TLE4: variants seen among roughly 807,000 people sequenced by gnomAD.
TLE4 encodes the protein transducin-like enhancer protein 4.
Under a neutral mutation model 92.8 loss-of-function variants are expected in TLE4, and 8 were observed. The ratio of observed to expected loss-of-function variants is 0.09; its 90% CI spans 0.05 to 0.16. The LOEUF (loss-of-function observed/expected upper bound fraction) is 0.16, where lower values mean the gene tolerates loss of function less well. TLE4 is among the 10% of genes least tolerant of loss of function. TLE4 has a pLI of 1.00. For missense variants in TLE4, 675 were observed against 997.6 expected, an observed-to-expected ratio of 0.68 and a Z score of 4.36; for synonymous variants, 371 against 374.1, an observed-to-expected ratio of 0.99 and a Z score of 0.10.
chr9:79,641,726 C>T (rs901535309), intron 6 of TLE4, among the ~76,000 whole-genome samples: 1 of 152,150 alleles, frequency 6.6e-6, no homozygotes, highest in African/African-American at 2.4e-5. Context: ...TTGCTTACCC[C>T]TTCCACCCTA....
chr9:79,723,664 T>C (rs933953288), intron 19 of TLE4, among the ~76,000 whole-genome samples: 1 of 152,234 alleles, frequency 6.6e-6, no homozygotes, highest in African/African-American at 2.4e-5. Flanking sequence ...CTTCTATATT[T>C]AGGATGTTAT....
chr9:79,610,437 A>G (rs1017343829), intron 4 of TLE4, among the ~76,000 whole-genome samples: 2 of 152,100 alleles, frequency 1.3e-5, no homozygotes, highest in African/African-American at 4.8e-5. Flanking sequence ...CCTGTGGGAC[A>G]AAAGAGGCGA....
chr9:79,593,913 T>TA (rs1348343665), intron 4 of TLE4, among the ~76,000 whole-genome samples: 1 of 152,224 alleles, frequency 6.6e-6, no homozygotes, highest in Admixed American at 6.5e-5. Context: ...AATACGATCC[T>TA]AAATATTTTT....
intron 6 of TLE4, among the ~76,000 whole-genome samples, chr9:79,637,611 C>T (rs1307924263): frequency 1.3e-5 from 2 of 152,166 alleles, no homozygotes; most frequent in Admixed American, 6.5e-5. Context: ...AGTGGTTAGT[C>T]TAAATTGTCT....
At chr9:79,678,323 A>G (rs1394697539) in intron 8 of TLE4, among the ~76,000 whole-genome samples, 1 of 152,142 alleles carries the variant, frequency 6.6e-6, no homozygotes, top group Non-Finnish European at 1.5e-5. Context: ...TGTACATTGT[A>G]TTTGAGTAAA....
intron 8 of TLE4, among the ~76,000 whole-genome samples, chr9:79,701,567 CT>C (rs1310129332): frequency 9.2e-5 from 14 of 152,030 alleles, no homozygotes; most frequent in Admixed American, 9.2e-4. Context: ...CATTTTTCTT[CT>C]TTTTGTAAAA....
At chr9:79,595,778 A>C (rs1031934974) in intron 4 of TLE4, among the ~76,000 whole-genome samples, 1 of 151,928 alleles carries the variant, frequency 6.6e-6, no homozygotes, top group Admixed American at 6.6e-5. Flanking sequence ...TTAATGCAAA[A>C]CTTGTTTAAA....
intron 8 of TLE4, among the ~76,000 whole-genome samples, chr9:79,682,028 GGT>G (rs2064807192): frequency 6.6e-6 from 1 of 152,058 alleles, no homozygotes; most frequent in Admixed American, 6.6e-5. Context: ...GTTAAGATGT[GGT>G]GCCATAAAGA....
chr9:79,708,503 C>A, intron 12 of TLE4, 90 bp from the exon 13 acceptor site: 2 of 1,284,702 alleles, frequency 1.6e-6, no homozygotes, highest in Non-Finnish European at 2.2e-6. Context: ...CTCATTTGAA[C>A]CATAGATTCT....
chr9:79,648,062 A>G (rs527662033), intron 6 of TLE4, among the ~76,000 whole-genome samples: 3 of 152,266 alleles, frequency 2.0e-5, no homozygotes, highest in African/African-American at 7.2e-5. Context: ...GCGGGCAGAG[A>G]GTTCCCTGGA....
At chr9:79,649,300 AC>A (rs2058578737) in intron 6 of TLE4, among the ~76,000 whole-genome samples, 3 of 150,224 alleles carry the variant, frequency 2.0e-5, no homozygotes, top group Admixed American at 6.7e-5. Flanking sequence ...ACACACACAC[AC>A]AACAAGGCAG....
At chr9:79,702,342 A>C (rs2070177558) in intron 8 of TLE4, among the ~76,000 whole-genome samples, 1 of 152,164 alleles carries the variant, frequency 6.6e-6, no homozygotes, top group Admixed American at 6.5e-5. Flanking sequence ...AGTGAGGTGG[A>C]TAGACTGGAG....
chr9:79,578,838 T>A (rs1481452840), intron 4 of TLE4, among the ~76,000 whole-genome samples: 1 of 151,810 alleles, frequency 6.6e-6, no homozygotes, highest in East Asian at 1.9e-4. Flanking sequence ...TGGATTTTTT[T>A]TTTTTTTAAA....
At chr9:79,601,489 G>A (rs759117295) in intron 4 of TLE4, 9 of 454,180 alleles carry the variant, frequency 2.0e-5, no homozygotes, top group East Asian at 6.9e-5. Context: ...TGCTCACTTC[G>A]TGTCTCTGTG....
chr9:79,683,503 A>G (rs1231428802), intron 8 of TLE4, among the ~76,000 whole-genome samples: 2 of 152,210 alleles, frequency 1.3e-5, no homozygotes, highest in South Asian at 2.1e-4. Flanking sequence ...TCCCTTAATC[A>G]ACAATGATCC....
chr9:79,710,628 C>T (rs2136025134), intron 14 of TLE4, among the ~76,000 whole-genome samples: 1 of 152,284 alleles, frequency 6.6e-6, no homozygotes. Context: ...GTATTTTGTC[C>T]TTACTGTCCT....
intron 8 of TLE4, among the ~76,000 whole-genome samples, chr9:79,679,824 T>C (rs1246855727): frequency 2.0e-5 from 3 of 152,140 alleles, no homozygotes; most frequent in Admixed American, 6.5e-5. Flanking sequence ...CAGTTTCAGC[T>C]TTCTACATAT....
At chr9:79,605,238 T>G (rs758905467) in intron 4 of TLE4, among the ~76,000 whole-genome samples, 14 of 152,110 alleles carry the variant, frequency 9.2e-5, no homozygotes, top group Non-Finnish European at 1.8e-4. Context: ...CTGCTCCTTC[T>G]GACATCCCAC....
At chr9:79,653,016 C>G in intron 7 of TLE4, 1 of 617,692 alleles carries the variant, frequency 1.6e-6, no homozygotes, top group Non-Finnish European at 3.0e-6. Context: ...GGGCCTATTT[C>G]TGGTTATTGC....
Sources: allele counts gnomAD v4.1 joint callset (sites outside exome capture counted in the v4.1 genomes callset), GRCh38; gene constraint gnomAD v4.1.1; transcripts MANE v1.5; gene names NCBI Gene and HGNC (gene_info 2026-07-23, HGNC 2026-07-21).